Variants in NCOA2 observed in about 807,000 individuals in gnomAD.
The protein encoded by NCOA2 is nuclear receptor coactivator 2.
A neutral mutation model predicts 145.1 loss-of-function variants in NCOA2; 21 were observed. The ratio of observed to expected loss-of-function variants is 0.14; its 90% CI spans 0.10 to 0.21. NCOA2 has a LOEUF of 0.21. NCOA2 is among the 10% of genes least tolerant of loss of function. NCOA2 has a pLI of 1.00. For missense variants in NCOA2, 1,472 were observed against 1,837.6 expected (o/e 0.80, Z 3.64); for synonymous variants, 619 against 637.5 (o/e 0.97, Z 0.44).
At chr8:70,141,905 AGCAATGG>A (rs1246020415) in intron 13 of NCOA2, among the ~76,000 whole-genome samples, 3 of 152,238 alleles carry the variant, frequency 2.0e-5, no homozygotes, top group Non-Finnish European at 4.4e-5. Flanking sequence ...GTAGCCTCTA[AGCAATGG>A]AGAACTTATA....
intron 22 of NCOA2, among the ~76,000 whole-genome samples, chr8:70,117,150 C>T (rs971110936): frequency 6.6e-6 from 1 of 152,260 alleles, no homozygotes; most frequent in Non-Finnish European, 1.5e-5. Context: ...GAAGGTGAAC[C>T]CCTGGTCCTG....
At chr8:70,132,931 A>G (rs574278918) in intron 15 of NCOA2, among the ~76,000 whole-genome samples, 81 of 152,364 alleles carry the variant, frequency 5.3e-4, no homozygotes, top group African/African-American at 1.9e-3. Flanking sequence ...GTACATAAGG[A>G]AAGTGGATCA....
Position 70,153,836 on chromosome 8 carries a change from G to T in NCOA2, c.2394+2135C>A, listed in dbSNP as rs16936770. ...CAGTGTTACGGAACAGCTGCTAATAGAACCTTGCACTAATATCTAAGTTTA... is the reference window on the plus strand; with the variant it reads ...CAGTGTTACGGAACAGCTGCTAATATAACCTTGCACTAATATCTAAGTTTA... On this transcript the variant is annotated intron_variant, in intron 11 of 22. Transcript: ENST00000452400. Among the ~76,000 whole-genome samples the T allele has an allele frequency of 3.8e-3, 578 of 152,328 alleles. 9 individuals carry two copies. The highest frequency in any genetic ancestry group is 0.013 in the African/African-American group (555 of 41,570).
chr8:70,357,760 G>C (rs572195230), intron 1 of NCOA2, among the ~76,000 whole-genome samples: 2 of 150,332 alleles, frequency 1.3e-5, no homozygotes, highest in East Asian at 2.0e-4. Context: ...AAGCGCGGTG[G>C]GGGGAAGATG....
chr8:70,330,695 A>T (rs892972105), intron 1 of NCOA2, among the ~76,000 whole-genome samples: 1 of 152,248 alleles, frequency 6.6e-6, no homozygotes, highest in Non-Finnish European at 1.5e-5. Context: ...CTTATGTCAT[A>T]GTACAAAAGC....
At chr8:70,390,606 A>G (rs1813108102) in intron 1 of NCOA2, among the ~76,000 whole-genome samples, 1 of 151,676 alleles carries the variant, frequency 6.6e-6, no homozygotes, top group Non-Finnish European at 1.5e-5. Context: ...CTATAGAGAA[A>G]AAAAAAAAAA....
At chr8:70,440,337 C>T in the NCOA2 span, among the ~76,000 whole-genome samples, 7 of 152,206 alleles carry the variant, frequency 4.6e-5, no homozygotes, top group South Asian at 2.1e-4. Context: ...TGGTGGCTCA[C>T]GCCTGGAATC....
At chr8:70,292,728 G>A (rs562559864) in intron 2 of NCOA2, among the ~76,000 whole-genome samples, 229 of 152,304 alleles carry the variant, frequency 1.5e-3, no homozygotes, top group African/African-American at 5.1e-3. Flanking sequence ...AGGGTAAAAG[G>A]AAGTCAGGAA....
intron 15 of NCOA2, among the ~76,000 whole-genome samples, chr8:70,132,403 T>C (rs571323512): frequency 7.9e-5 from 12 of 152,284 alleles, no homozygotes; most frequent in Admixed American, 3.3e-4. Flanking sequence ...GAATCACGGA[T>C]TGACTTAAGA....
chr8:70,273,667 CAG>C, intron 2 of NCOA2: 2 of 689,446 alleles, frequency 2.9e-6, no homozygotes, highest in Admixed American at 3.6e-5. Flanking sequence ...AAATGCTACC[CAG>C]AATCTTAAAC....
intron 5 of NCOA2, among the ~76,000 whole-genome samples, chr8:70,173,904 A>C (rs1814533552): frequency 6.6e-6 from 1 of 152,168 alleles, no homozygotes; most frequent in Admixed American, 6.5e-5. Flanking sequence ...AAAAATACTA[A>C]TTATTGTCTG....
intron 4 of NCOA2, among the ~76,000 whole-genome samples, chr8:70,181,333 G>C (rs1369417091): frequency 6.6e-6 from 1 of 152,168 alleles, no homozygotes; most frequent in African/African-American, 2.4e-5. Context: ...TGATACTCTT[G>C]CTTTTTCCTT....
intron 13 of NCOA2, 31 bp downstream of exon 13, chr8:70,144,611 C>G: frequency 6.4e-7 from 1 of 1,551,336 alleles, no homozygotes; most frequent in Non-Finnish European, 8.9e-7. Flanking sequence ...AATAACCCAC[C>G]AATAAAGTAA....
At chr8:70,115,815 G>A (rs1047949511) in intron 22 of NCOA2, among the ~76,000 whole-genome samples, 1 of 152,040 alleles carries the variant, frequency 6.6e-6, no homozygotes, top group East Asian at 1.9e-4. Context: ...GTAAGTCAAC[G>A]GTTGTACATA....
At chr8:70,239,469 AC>A (rs1412830167) in intron 2 of NCOA2, among the ~76,000 whole-genome samples, 1 of 152,164 alleles carries the variant, frequency 6.6e-6, no homozygotes, top group Non-Finnish European at 1.5e-5. Flanking sequence ...ACAAGACTCC[AC>A]TGCACTCTAT....
chr8:70,280,343 C>T (rs1036121975), intron 2 of NCOA2, among the ~76,000 whole-genome samples: 1 of 152,138 alleles, frequency 6.6e-6, no homozygotes. Context: ...TAAAAGACAG[C>T]ACAGAATTGG....
At chr8:70,437,704 T>TCA in the NCOA2 span, among the ~76,000 whole-genome samples, 1 of 152,224 alleles carries the variant, frequency 6.6e-6, no homozygotes, top group African/African-American at 2.4e-5. Context: ...CTTACAGTAG[T>TCA]CACAGTCTCT....
chr8:70,356,889 T>C (rs914908860), intron 1 of NCOA2, among the ~76,000 whole-genome samples: 6 of 152,254 alleles, frequency 3.9e-5, no homozygotes, highest in African/African-American at 9.6e-5. Flanking sequence ...GGGAACATCA[T>C]TAATCTAGAT....
chr8:70,291,692 C>T (rs1052767717), intron 2 of NCOA2, among the ~76,000 whole-genome samples: 1 of 152,208 alleles, frequency 6.6e-6, no homozygotes, highest in Non-Finnish European at 1.5e-5. Flanking sequence ...CCTAAGAGCA[C>T]ACTCTGAGAG....
Sources: gnomAD v4.1 joint callset for allele counts (sites outside exome capture counted in the v4.1 genomes callset) on GRCh38, gnomAD v4.1.1 for gene constraint, MANE v1.5 for transcripts, NCBI Gene and HGNC (gene_info 2026-07-23, HGNC 2026-07-21) for gene names.